TERF1: variants seen among roughly 807,000 people sequenced by gnomAD.
TERF1 encodes telomeric repeat-binding factor 1.
Under a neutral mutation model 55.1 loss-of-function variants are expected in TERF1, and 20 were observed. That is an observed-to-expected ratio of 0.36 (90% CI 0.26 to 0.53). TERF1 has a LOEUF of 0.53. Among genes scored for constraint, TERF1 ranks in the 20% least tolerant of loss-of-function variants. The pLI is 0.91. For synonymous variants in TERF1, 168 were observed against 181.2 expected (o/e 0.93, Z 0.59); for missense variants, 439 against 535.7 (o/e 0.82, Z 1.78).
intron 2 of TERF1, among the ~76,000 whole-genome samples, chr8:73,019,531 G>A (rs539144153): frequency 5.9e-5 from 9 of 152,108 alleles, no homozygotes; most frequent in Admixed American, 2.0e-4. Context: ...CTTGCCCACC[G>A]ACCTTCCTCC....
At chr8:73,020,312 A>C (rs972338715) in intron 2 of TERF1, among the ~76,000 whole-genome samples, 5 of 152,192 alleles carry the variant, frequency 3.3e-5, no homozygotes, top group African/African-American at 1.2e-4. Flanking sequence ...GATAGTATTT[A>C]TTCTCACCAT....
intron 3 of TERF1, among the ~76,000 whole-genome samples, chr8:73,021,132 A>C (rs572081447): frequency 6.6e-6 from 1 of 152,320 alleles, no homozygotes; most frequent in East Asian, 1.9e-4. Flanking sequence ...AGAATATATA[A>C]AATTTTAACC....
At chr8:73,027,660 ATCT>A (rs1478359627) in intron 6 of TERF1, among the ~76,000 whole-genome samples, 1 of 152,068 alleles carries the variant, frequency 6.6e-6, no homozygotes, top group Non-Finnish European at 1.5e-5. Context: ...CATTATAAAG[ATCT>A]TCTTTTCTGT....
chr8:73,019,030 T>A (rs762607886), intron 2 of TERF1: 1 of 152,236 alleles, frequency 6.6e-6, no homozygotes, highest in African/African-American at 2.4e-5. Flanking sequence ...TTTTATATAT[T>A]TGCTGCCAAA....
chr8:73,041,987 C>T (rs1425791719), intron 9 of TERF1, among the ~76,000 whole-genome samples: 1 of 152,146 alleles, frequency 6.6e-6, no homozygotes, highest in Non-Finnish European at 1.5e-5. Context: ...GTGATTTTCT[C>T]AATCTGCCTC....
chr8:73,017,504 A>C (rs1343853282), intron 2 of TERF1, among the ~76,000 whole-genome samples: 2 of 152,044 alleles, frequency 1.3e-5, no homozygotes, highest in African/African-American at 4.8e-5. Context: ...CATTTTCCTG[A>C]AGTGTTCTCC....
Position 73,044,432 on chromosome 8 carries a change from A to G in TERF1, c.1144-1529A>G, listed in dbSNP as rs532389019. 2.0e-5 allele frequency among the ~76,000 whole-genome samples: 3 copies of G among 152,332 alleles called. No homozygotes were observed. In the South Asian group the frequency reaches 6.2e-4, roughly 32 times the overall value. On this transcript the variant is annotated intron_variant, in intron 9 of 9. Transcript: ENST00000276603. ...ACTGCCAACTTTTTGGTACTGAGTC[A>G]TACACGAGATGGTTCTCATGTCATG...
chr8:73,040,535 T>C (rs1424729277), intron 9 of TERF1, among the ~76,000 whole-genome samples: 1 of 152,134 alleles, frequency 6.6e-6, no homozygotes, highest in Non-Finnish European at 1.5e-5. Flanking sequence ...CATGCATATG[T>C]TTTGTGCTGG....
At chr8:73,042,680 C>T (rs1439507264) in intron 9 of TERF1, among the ~76,000 whole-genome samples, 2 of 151,974 alleles carry the variant, frequency 1.3e-5, no homozygotes, top group Non-Finnish European at 2.9e-5. Flanking sequence ...TTTTACTATT[C>T]GTAGTATCAT....
chr8:73,018,909 G>T (rs1004545942), intron 2 of TERF1: 1 of 152,154 alleles, frequency 6.6e-6, no homozygotes, highest in East Asian at 1.9e-4. Flanking sequence ...GTACTGCAAG[G>T]CATTAAAAAA....
chr8:73,032,728 G>T (rs1474345379), intron 8 of TERF1, among the ~76,000 whole-genome samples: 1 of 152,096 alleles, frequency 6.6e-6, no homozygotes, highest in Non-Finnish European at 1.5e-5. Flanking sequence ...AAGTACAGTT[G>T]ATTCTTGTTA....
chr8:73,029,431 C>G (rs1161942447), intron 6 of TERF1, among the ~76,000 whole-genome samples: 1 of 151,902 alleles, frequency 6.6e-6, no homozygotes, highest in African/African-American at 2.4e-5. Flanking sequence ...TTGAGACCAG[C>G]CTAGGCAACA....
intron 1 of TERF1, chr8:73,009,856 TCTG>T (rs1318235929): frequency 6.6e-6 from 1 of 152,320 alleles, no homozygotes; most frequent in Non-Finnish European, 1.5e-5. Flanking sequence ...GTTCATGAAA[TCTG>T]CTGCACCCCG....
At chr8:73,021,406 A>G (rs1255189204) in intron 3 of TERF1, among the ~76,000 whole-genome samples, 1 of 152,182 alleles carries the variant, frequency 6.6e-6, no homozygotes, top group Admixed American at 6.5e-5. Context: ...TCCTTTATGA[A>G]TTCAACCCAG....
At position 73,008,918 on chromosome 8, in the gene TERF1, G is replaced by T. The variant is rs974794290; in HGVS notation, c.32G>T (p.Ser11Ile). The change falls in exon 1 of 10, where the codon AGC becomes ATC. Residue 11 changes from serine (S) to isoleucine (I), a missense_variant. Physicochemically the swap from Ser to Ile is moderately radical, Grantham distance 142. Coordinates refer to ENST00000276603, the MANE Select transcript of TERF1 (RefSeq NM_017489.3). Reference protein sequence around the residue: MAEDVSSAAPSPRGCADGRDA... With the variant: MAEDVSSAAPIPRGCADGRDA... ...GAGGATGTTTCCTCAGCGGCCCCGA[G>T]CCCGCGGGGCTGTGCGGATGGTAGG... 3.1e-6 allele frequency: 5 copies of T among 1,611,428 alleles called. No homozygotes were observed. Among genetic ancestry groups the T allele is most frequent in the Non-Finnish European group, 4.2e-6 (5 of 1,179,060 alleles).
At chr8:73,020,259 A>C (rs1479146993) in intron 2 of TERF1, among the ~76,000 whole-genome samples, 1 of 152,206 alleles carries the variant, frequency 6.6e-6, no homozygotes, top group Non-Finnish European at 1.5e-5. Flanking sequence ...GCTTAATAAT[A>C]GTACAACTAT....
chr8:73,016,811 C>T (rs2129743327), intron 2 of TERF1, among the ~76,000 whole-genome samples: 1 of 152,240 alleles, frequency 6.6e-6, no homozygotes, highest in South Asian at 2.1e-4. Context: ...AGTCGACGTG[C>T]CAGCCCCAAG....
At chr8:73,031,774 C>A (rs1809296559) in intron 7 of TERF1, 1 of 261,674 alleles carries the variant, frequency 3.8e-6, no homozygotes, top group African/African-American at 2.2e-5. Flanking sequence ...AGAGTCTTGT[C>A]TTTTCTTTTT....
At chr8:73,009,730 A>C (rs1808202658) in intron 1 of TERF1, 1 of 153,426 alleles carries the variant, frequency 6.5e-6, no homozygotes. Context: ...CTGAGGTGGG[A>C]GGATCGCTTG....
Sources: gnomAD v4.1 joint callset for allele counts (sites outside exome capture counted in the v4.1 genomes callset) on GRCh38, gnomAD v4.1.1 for gene constraint, MANE v1.5 for transcripts, NCBI Gene and HGNC (gene_info 2026-07-23, HGNC 2026-07-21) for gene names.